The following HCN1 variants were observed in gnomAD, a reference collection of about 807,000 sequenced individuals.
HCN1 encodes hyperpolarization activated cyclic nucleotide gated potassium channel 1, also known as potassium/sodium hyperpolarization-activated cyclic nucleotide-gated channel 1.
A neutral mutation model predicts 78.9 loss-of-function variants in HCN1; 13 were observed. The ratio of observed to expected loss-of-function variants is 0.16; its 90% confidence interval spans 0.11 to 0.26. HCN1 has a LOEUF of 0.26. Among genes scored for constraint, HCN1 ranks in the 10% least tolerant of loss-of-function variants. The pLI, the probability that HCN1 is intolerant of heterozygous loss-of-function variation, is 1.00. For missense variants in HCN1, 810 were observed against 1,154.3 expected (o/e 0.70, Z 4.32); for synonymous variants, 552 against 455.5 (o/e 1.21, Z -2.70).
intron 2 of HCN1, among the ~76,000 whole-genome samples, chr5:45,513,749 C>T (rs765961865): frequency 3.3e-5 from 5 of 152,172 alleles, no homozygotes; most frequent in Non-Finnish European, 4.4e-5. Flanking sequence ...TGCCCCACCC[C>T]TGACTGTGGA....
At chr5:45,442,414 G>T (rs1025844541) in intron 3 of HCN1, among the ~76,000 whole-genome samples, 4 of 151,954 alleles carry the variant, frequency 2.6e-5, no homozygotes, top group Non-Finnish European at 4.4e-5. Context: ...TGGAAACTGA[G>T]GGCCTGCTGG....
intron 4 of HCN1, among the ~76,000 whole-genome samples, chr5:45,391,448 T>C (rs772966462): frequency 2.0e-5 from 3 of 152,146 alleles, no homozygotes; most frequent in Non-Finnish European, 2.9e-5. Flanking sequence ...GGATGTAACT[T>C]TTTTCTTTTA....
chr5:45,365,291 C>A (rs1021640977), intron 4 of HCN1, among the ~76,000 whole-genome samples: 8 of 151,792 alleles, frequency 5.3e-5, no homozygotes, highest in African/African-American at 1.9e-4. Context: ...GTACCCATCA[C>A]GAAACTATTG....
chr5:45,338,956 A>G (rs1301070850), intron 5 of HCN1, among the ~76,000 whole-genome samples: 1 of 152,168 alleles, frequency 6.6e-6, no homozygotes, highest in East Asian at 1.9e-4. Flanking sequence ...GTATAGCATT[A>G]AACTTAGACC....
At chr5:45,428,010 T>G (rs1740386453) in intron 3 of HCN1, among the ~76,000 whole-genome samples, 1 of 152,098 alleles carries the variant, frequency 6.6e-6, no homozygotes, top group Non-Finnish European at 1.5e-5. Context: ...AGTTAGATGG[T>G]TCTTAAGTAA....
At chr5:45,416,951 G>C (rs1376589803) in intron 3 of HCN1, among the ~76,000 whole-genome samples, 1 of 151,858 alleles carries the variant, frequency 6.6e-6, no homozygotes, top group Non-Finnish European at 1.5e-5. Context: ...CCTAATATTA[G>C]AATTTCCTAG....
At chr5:45,592,878 T>C (rs1579988562) in intron 2 of HCN1, among the ~76,000 whole-genome samples, 2 of 152,340 alleles carry the variant, frequency 1.3e-5, no homozygotes, top group South Asian at 4.1e-4. Context: ...ATTGTTTGCC[T>C]AGATAACTTC....
chr5:45,608,112 T>C (rs987687533), intron 2 of HCN1, among the ~76,000 whole-genome samples: 1 of 151,920 alleles, frequency 6.6e-6, no homozygotes. Context: ...TAAAATAAGA[T>C]ACTATTTAAA....
At chr5:45,438,455 G>T (rs2112083825) in intron 3 of HCN1, among the ~76,000 whole-genome samples, 1 of 152,052 alleles carries the variant, frequency 6.6e-6, no homozygotes, top group Non-Finnish European at 1.5e-5. Flanking sequence ...AGCGGGCGTG[G>T]TGTCAGGTGC....
At position 45,316,425 on chromosome 5, in the gene HCN1, G is replaced by C. The variant is rs113195020; in HGVS notation, c.1378-12586C>G. Among the ~76,000 whole-genome samples the C allele has an allele frequency of 1.3e-3, 202 of 152,102 alleles. 2 individuals are homozygous for C. The highest frequency in any genetic ancestry group is 4.7e-3 in the African/African-American group (196 of 41,514). On this transcript the variant is annotated intron_variant, in intron 5 of 7. Coordinates refer to ENST00000303230, the MANE Select transcript of HCN1 (RefSeq NM_021072.4). The stretch of plus-strand genomic sequence containing the variant: ...GATGGGACGTATTTCAAAATAATAA[G>C]AGCTACTTAAGACAAACCCACAGTC...
intron 2 of HCN1, among the ~76,000 whole-genome samples, chr5:45,546,065 T>C (rs774494760): frequency 6.6e-6 from 1 of 152,054 alleles, no homozygotes; most frequent in Non-Finnish European, 1.5e-5. Context: ...CATTTGTAAC[T>C]TCACCTGTAG....
intron 1 of HCN1, among the ~76,000 whole-genome samples, chr5:45,656,095 TAA>T (rs34885549): frequency 0.037 from 5,597 of 152,184 alleles, 210 homozygotes; most frequent in East Asian, 0.18. Context: ...TAAATATGAC[TAA>T]AAGAGAATTT....
chr5:45,313,492 C>T (rs1374851616), intron 5 of HCN1, among the ~76,000 whole-genome samples: 1 of 152,188 alleles, frequency 6.6e-6, no homozygotes, highest in African/African-American at 2.4e-5. Flanking sequence ...AGCTCCTCGC[C>T]AGCACCAGAA....
intron 2 of HCN1, chr5:45,644,299 T>G (rs568490359): frequency 6.6e-6 from 1 of 152,304 alleles, no homozygotes; most frequent in South Asian, 2.1e-4. Flanking sequence ...CTTACGCTTA[T>G]GCAGACTATA....
chr5:45,283,166 T>C (rs1745202932), intron 6 of HCN1, among the ~76,000 whole-genome samples: 1 of 152,158 alleles, frequency 6.6e-6, no homozygotes, highest in African/African-American at 2.4e-5. Context: ...ACAAGTATTT[T>C]CTATCTTTAA....
At chr5:45,369,253 A>G (rs1747299208) in intron 4 of HCN1, among the ~76,000 whole-genome samples, 1 of 152,068 alleles carries the variant, frequency 6.6e-6, no homozygotes, top group Non-Finnish European at 1.5e-5. Context: ...AGCCCAGTTT[A>G]CCATGAATTT....
chr5:45,360,111 TAAA>T (rs1561123416), intron 4 of HCN1, among the ~76,000 whole-genome samples: 3 of 151,360 alleles, frequency 2.0e-5, no homozygotes, highest in Non-Finnish European at 3.0e-5. Context: ...GAAATATCAT[TAAA>T]AAGCAAACAG....
chr5:45,296,182 A>G (rs1264483659), intron 6 of HCN1, among the ~76,000 whole-genome samples: 1 of 152,006 alleles, frequency 6.6e-6, no homozygotes, highest in Non-Finnish European at 1.5e-5. Flanking sequence ...ACAAATAACA[A>G]TGGAAGAATA....
chr5:45,497,310 T>C (rs985686837), intron 2 of HCN1, among the ~76,000 whole-genome samples: 1 of 152,154 alleles, frequency 6.6e-6, no homozygotes, highest in Non-Finnish European at 1.5e-5. Flanking sequence ...GGTGTTAAAG[T>C]CTCCCATTAT....
Sources: gnomAD v4.1 joint callset for allele counts (sites outside exome capture counted in the v4.1 genomes callset) on GRCh38, gnomAD v4.1.1 for gene constraint, MANE v1.5 for transcripts, NCBI Gene and HGNC (gene_info 2026-07-23, HGNC 2026-07-21) for gene names.